Variants in FAM83B observed in about 807,000 individuals in gnomAD.
FAM83B encodes the protein scaffolding CK1 anchoring protein B, also known as protein FAM83B.
In FAM83B, 26 loss-of-function variants were observed where a neutral mutation model predicts 38.8. That is an observed-to-expected ratio of 0.67 (90% CI 0.49 to 0.93). The LOEUF is 0.93. Ranked by LOEUF, FAM83B falls within the 40% of genes least tolerant of loss-of-function variation. The probability of loss-of-function intolerance (pLI) is 0.00; values close to 1 mark genes in which losing one functional copy is unlikely to be tolerated. For missense variants in FAM83B, 1,237 were observed against 1,197.3 expected (o/e 1.03, Z -0.49); for synonymous variants, 419 against 423.1 (o/e 0.99, Z 0.12).
rs367910496 is a variant in FAM83B, at chr6:54,940,403, C to T, written c.1432C>T (p.Gln478Ter). Residue 478 changes from glutamine (Q) to a stop codon, truncating the protein, a stop_gained, in exon 5 of 5, where the codon CAA becomes TAA. Transcript: ENST00000306858. LOFTEE classifies it low-confidence loss of function (END_TRUNC). ...GACAGATAACCATATCCGCTTTTTG[C>T]AACAACGAATGCCAACCCTTGAACA... ...NGTDNHIRFLQQRMPTLEHTT... is the reference protein window; with the variant it reads ...NGTDNHIRFL 6.2e-7 allele frequency: 1 copy of T among 1,613,874 alleles called. No individual in the cohort carries two copies. The highest frequency in any genetic ancestry group is 8.5e-7 in the Non-Finnish European group (1 of 1,179,990).
intron 1 of FAM83B, among the ~76,000 whole-genome samples, chr6:54,853,446 G>A (rs184911725): frequency 6.6e-6 from 1 of 152,076 alleles, no homozygotes; most frequent in African/African-American, 2.4e-5. Flanking sequence ...CTTTTTAGGG[G>A]TTAATACAGC....
rs569784726 is a variant in FAM83B at position 54,864,782 on chromosome 6, A to G, written c.-60-5405A>G. 9.1e-4 allele frequency among the ~76,000 whole-genome samples: 138 copies of G among 152,346 alleles called. 1 individual carries two copies. Among genetic ancestry groups the G allele is most frequent in the African/African-American group, 3.2e-3 (132 of 41,592 alleles). On this transcript the variant is annotated intron_variant, in intron 1 of 4. Transcript: ENST00000306858. The stretch of plus-strand genomic sequence containing the variant: ...GTTGTGGACCATGGGTAATGATTTT[A>G]TATGAAAGAGATGTTCTGAAACAAT...
chr6:54,899,006 C>G (rs563927778), intron 2 of FAM83B, among the ~76,000 whole-genome samples: 1 of 152,284 alleles, frequency 6.6e-6, no homozygotes, highest in South Asian at 2.1e-4. Context: ...AGCACTTAAT[C>G]AGGCAGTGAC....
At chr6:54,921,870 C>T (rs1459558776) in intron 2 of FAM83B, among the ~76,000 whole-genome samples, 1 of 151,906 alleles carries the variant, frequency 6.6e-6, no homozygotes, top group East Asian at 1.9e-4. Context: ...TATTCTTTCC[C>T]AGGAATGTAA....
intron 1 of FAM83B, among the ~76,000 whole-genome samples, chr6:54,868,574 T>C (rs1771771875): frequency 6.6e-6 from 1 of 152,158 alleles, no homozygotes; most frequent in African/African-American, 2.4e-5. Context: ...ACAAGATGGG[T>C]GTTCTTCCTT....
chr6:54,921,698 A>G lies in FAM83B; in HGVS notation c.445-4673A>G, dbSNP rs147491039. Among the ~76,000 whole-genome samples the G allele has an allele frequency of 4.0e-3, 608 of 152,142 alleles. 2 individuals carry two copies. The highest frequency in any genetic ancestry group is 6.9e-3 in the Non-Finnish European group (466 of 67,912). ...GAACTGGTTTCTTGATTAATATAAT[A>G]GATTGATGTACCTTTTGAAAAGCCT... On this transcript the variant is annotated intron_variant, in intron 2 of 4. Transcript: ENST00000306858.
chr6:54,913,028 AT>A (rs1471552861), intron 2 of FAM83B, among the ~76,000 whole-genome samples: 2 of 152,070 alleles, frequency 1.3e-5, no homozygotes, highest in Non-Finnish European at 2.9e-5. Context: ...TTACTAAAAA[AT>A]AAATAGGACT....
intron 2 of FAM83B, among the ~76,000 whole-genome samples, chr6:54,901,752 A>G (rs1266566811): frequency 6.6e-6 from 1 of 152,174 alleles, no homozygotes; most frequent in African/African-American, 2.4e-5. Flanking sequence ...AATTTTTTAA[A>G]CCAGATTTAT....
intron 2 of FAM83B, among the ~76,000 whole-genome samples, chr6:54,925,521 T>C (rs1773268996): frequency 6.6e-6 from 1 of 152,198 alleles, no homozygotes; most frequent in Non-Finnish European, 1.5e-5. Flanking sequence ...TAGGGACCTG[T>C]TCTTTAGGGC....
intron 4 of FAM83B, among the ~76,000 whole-genome samples, chr6:54,929,059 T>C (rs398483): frequency 0.29 from 44,224 of 152,046 alleles, 9,720 homozygotes; most frequent in African/African-American, 0.62. Context: ...ATAAAAAATT[T>C]ATCACAACTC....
chr6:54,923,424 C>T (rs549660122), intron 2 of FAM83B, among the ~76,000 whole-genome samples: 13 of 152,170 alleles, frequency 8.5e-5, no homozygotes, highest in Non-Finnish European at 1.9e-4. Flanking sequence ...GTTACACACT[C>T]ATGGCAGAAC....
chr6:54,875,412 C>T (rs1771966764), intron 2 of FAM83B, among the ~76,000 whole-genome samples: 1 of 152,146 alleles, frequency 6.6e-6, no homozygotes, highest in African/African-American at 2.4e-5. Flanking sequence ...AATTTCCTCT[C>T]TACCCTATCC....
chr6:54,904,394 T>C (rs1434248987), intron 2 of FAM83B, among the ~76,000 whole-genome samples: 3 of 152,214 alleles, frequency 2.0e-5, no homozygotes, highest in Non-Finnish European at 4.4e-5. Flanking sequence ...TATGTAGAGG[T>C]GCTGTCGTCC....
At chr6:54,855,427 G>T (rs1195381440) in intron 1 of FAM83B, among the ~76,000 whole-genome samples, 1 of 152,070 alleles carries the variant, frequency 6.6e-6, no homozygotes, top group African/African-American at 2.4e-5. Flanking sequence ...TATAGAAAGT[G>T]GTTTATTGCA....
At chr6:54,927,429 T>A (rs1773319113) in intron 3 of FAM83B, 79 bp from the exon 4 acceptor site, 1 of 1,186,464 alleles carries the variant, frequency 8.4e-7, no homozygotes, top group Non-Finnish European at 1.1e-6. Context: ...ATTAAGATTC[T>A]ATCATGATAT....
chr6:54,873,978 A>C (rs1771927325), intron 2 of FAM83B, among the ~76,000 whole-genome samples: 1 of 152,068 alleles, frequency 6.6e-6, no homozygotes, highest in African/African-American at 2.4e-5. Flanking sequence ...GATTATAAGC[A>C]CCAAGTTAAC....
intron 2 of FAM83B, among the ~76,000 whole-genome samples, chr6:54,915,902 A>G (rs1019654851): frequency 1.3e-5 from 2 of 151,828 alleles, no homozygotes; most frequent in Non-Finnish European, 2.9e-5. Context: ...TATTGTTTTA[A>G]TCATGTGATT....
chr6:54,873,371 A>G (rs1007909304), intron 2 of FAM83B, among the ~76,000 whole-genome samples: 1 of 152,166 alleles, frequency 6.6e-6, no homozygotes, highest in Non-Finnish European at 1.5e-5. Flanking sequence ...AATTAAGATT[A>G]TTTAGCTTAT....
At chr6:54,860,041 CATTGT>C (rs538668067) in intron 1 of FAM83B, among the ~76,000 whole-genome samples, 31 of 67,522 alleles carry the variant, frequency 4.6e-4, no homozygotes, top group South Asian at 1.5e-3. Flanking sequence ...AAACCACCCT[CATTGT>C]GTGTGTGTGT....
Sources: allele counts gnomAD v4.1 joint callset (sites outside exome capture counted in the v4.1 genomes callset), GRCh38; gene constraint gnomAD v4.1.1; transcripts MANE v1.5; gene names NCBI Gene and HGNC (gene_info 2026-07-23, HGNC 2026-07-21).